DBX2: variants seen among roughly 807,000 people sequenced by gnomAD.
DBX2 encodes the protein developing brain homeobox 2, also known as homeobox protein DBX2.
DBX2 carries 16 observed loss-of-function variants against 17.7 expected under a neutral mutation model. The ratio of observed to expected loss-of-function variants is 0.90; its 90% confidence interval spans 0.61 to 1.37. DBX2 has a LOEUF of 1.37. DBX2 is among the 40% of genes most tolerant of loss of function. The pLI is 0.00. For missense variants in DBX2, 538 were observed against 433.8 expected, an observed-to-expected ratio of 1.24 and a Z score of -2.13; for synonymous variants, 255 against 183.8, an observed-to-expected ratio of 1.39 and a Z score of -3.13.
At chr12:45,049,411 A>G (rs1946517171) in intron 1 of DBX2, among the ~76,000 whole-genome samples, 1 of 152,190 alleles carries the variant, frequency 6.6e-6, no homozygotes. Flanking sequence ...GTTCCCTAGC[A>G]TTTAGGTTTT....
At chr12:45,027,165 G>A (rs1485540060) in intron 2 of DBX2, among the ~76,000 whole-genome samples, 5 of 152,182 alleles carry the variant, frequency 3.3e-5, no homozygotes, top group Non-Finnish European at 7.3e-5. Flanking sequence ...TTATAAGGCT[G>A]CTCCCAAGAT....
intron 2 of DBX2, among the ~76,000 whole-genome samples, chr12:45,026,197 C>A (rs1946380693): frequency 6.6e-6 from 1 of 152,142 alleles, no homozygotes; most frequent in Non-Finnish European, 1.5e-5. Flanking sequence ...TCTGCCACAG[C>A]CTTGCTTAGC....
chr12:45,034,755 T>C (rs993455732), intron 2 of DBX2, among the ~76,000 whole-genome samples: 1 of 152,226 alleles, frequency 6.6e-6, no homozygotes, highest in African/African-American at 2.4e-5. Flanking sequence ...TTCAGTCAAG[T>C]GCTTTAAATG....
rs978617604 is a variant in DBX2 at position 45,034,132 on chromosome 12, A to C, written c.499+1887T>G. ...AGTACACACACACACCCACACCCAC[A>C]CACACACACACGCACATGAATGTCT... On this transcript the variant is annotated intron_variant, in intron 2 of 3. Coordinates refer to ENST00000332700, the MANE Select transcript of DBX2 (RefSeq NM_001004329.3). Among the ~76,000 whole-genome samples the C allele has an allele frequency of 3.3e-5, 5 of 151,498 alleles. No individual in the cohort carries two copies. In the South Asian group the frequency reaches 1.0e-3, roughly 32 times the overall value.
intron 1 of DBX2, among the ~76,000 whole-genome samples, chr12:45,043,951 T>C (rs74080476): frequency 6.6e-6 from 1 of 152,302 alleles, no homozygotes; most frequent in East Asian, 1.9e-4. Flanking sequence ...TTATATGAAT[T>C]CCTTATGGTT....
chr12:45,029,386 AC>A (rs1286709959), intron 2 of DBX2, among the ~76,000 whole-genome samples: 2 of 152,220 alleles, frequency 1.3e-5, no homozygotes, highest in African/African-American at 2.4e-5. Context: ...AGAAGAAATT[AC>A]CACCCTCGTT....
chr12:45,025,583 A>T (rs1946376990), intron 2 of DBX2, among the ~76,000 whole-genome samples: 1 of 151,262 alleles, frequency 6.6e-6, no homozygotes, highest in Non-Finnish European at 1.5e-5. Flanking sequence ...CATAGTTCCC[A>T]CCCTAAAGGA....
At chr12:45,026,666 A>G (rs1946383090) in intron 2 of DBX2, among the ~76,000 whole-genome samples, 1 of 152,212 alleles carries the variant, frequency 6.6e-6, no homozygotes, top group Admixed American at 6.5e-5. Context: ...CTATTTGTCT[A>G]AAAGATTACA....
In DBX2 at chr12:45,016,101, AC is replaced by A. The variant is rs1325426499; in HGVS notation, c.*184del. 7 of 526,406 alleles carry A rather than the reference AC, an allele frequency of 1.3e-5. No individual in the cohort carries two copies. Among genetic ancestry groups the A allele is most frequent in the African/African-American group, 1.9e-5 (1 of 51,574 alleles). 32.6% of individuals were successfully genotyped at this position (526,406 alleles called of 1,614,324 possible). On this transcript the variant is annotated 3_prime_UTR_variant, in exon 4 of 4. Coordinates refer to ENST00000332700, the MANE Select transcript of DBX2 (RefSeq NM_001004329.3). ...CTTGCTGGGAGATTCTATTCCACTT[AC>A]AAATTAAGCCTGAGTCTAGGGCCAA...
At position 45,050,563 on chromosome 12, in the gene DBX2, G is replaced by A. The variant is rs1946525428; in HGVS notation, c.365C>T (p.Pro122Leu). The A allele has an allele frequency of 1.4e-5, 21 of 1,552,842 alleles. No individual in the cohort carries two copies. Among genetic ancestry groups the A allele is most frequent in the Non-Finnish European group, 1.7e-5 (19 of 1,149,014 alleles). The change falls in exon 1 of 4, where the codon CCG (proline) becomes CTG (leucine). Residue 122 changes from proline (P) to leucine (L), a missense_variant. Transcript: ENST00000332700. ...CTGGAAGGTACAGTCTCGGTCCCCC[G>A]GAGCCCGGCCCGGCAGCCTCGCACT... is the stretch of plus-strand genomic sequence containing the variant. The part of the protein sequence containing the change: ...ADSARLPGRA[P>L]GDRDCTFQPS...
chr12:45,027,921 A>T (rs1946389951), intron 2 of DBX2, among the ~76,000 whole-genome samples: 1 of 152,248 alleles, frequency 6.6e-6, no homozygotes, highest in Non-Finnish European at 1.5e-5. Context: ...AATAATACAG[A>T]CAGCCACAAT....
intron 3 of DBX2, among the ~76,000 whole-genome samples, chr12:45,018,087 T>C (rs1042666583): frequency 6.6e-6 from 1 of 152,168 alleles, no homozygotes; most frequent in Non-Finnish European, 1.5e-5. Context: ...TACAACACCA[T>C]GATTAAGGCT....
chr12:45,028,956 T>G (rs1946395333), intron 2 of DBX2, among the ~76,000 whole-genome samples: 1 of 152,176 alleles, frequency 6.6e-6, no homozygotes, highest in African/African-American at 2.4e-5. Context: ...AAACCACCAT[T>G]GATGCTCCTT....
Position 45,016,426 on chromosome 12 carries a change from TCTCC to T in DBX2, c.876_879del (p.Glu293IlefsTer9). On this transcript the variant is annotated frameshift_variant, in exon 4 of 4. Transcript: ENST00000332700. LOFTEE classifies it low-confidence loss of function (END_TRUNC). ...AGTCTTTCTGAAGGTTCTGGAGAAT[TCTCC>T]CTCCATCTTGGACTTGAGTGCTGTT... The T allele has an allele frequency of 1.2e-6, 2 of 1,614,034 alleles. No individual in the cohort carries two copies. Among genetic ancestry groups the T allele is most frequent in the Non-Finnish European group, 1.7e-6 (2 of 1,179,972 alleles).
chr12:45,047,177 C>T (rs1240489526), intron 1 of DBX2, among the ~76,000 whole-genome samples: 1 of 152,026 alleles, frequency 6.6e-6, no homozygotes, highest in African/African-American at 2.4e-5. Flanking sequence ...TTTTGAGGCC[C>T]TCTTTTATAT....
chr12:45,044,967 A>T (rs769611691), intron 1 of DBX2, among the ~76,000 whole-genome samples: 13 of 152,148 alleles, frequency 8.5e-5, no homozygotes, highest in Non-Finnish European at 1.8e-4. Context: ...AGTAAAATAA[A>T]ACATTTTGGA....
chr12:45,026,061 G>A (rs1393480409), intron 2 of DBX2, among the ~76,000 whole-genome samples: 6 of 152,076 alleles, frequency 3.9e-5, no homozygotes, highest in Non-Finnish European at 8.8e-5. Context: ...TGATTTAGTT[G>A]TCCACATTTA....
At chr12:45,040,707 T>A (rs528845162) in intron 1 of DBX2, among the ~76,000 whole-genome samples, 17 of 152,340 alleles carry the variant, frequency 1.1e-4, no homozygotes, top group African/African-American at 3.8e-4. Context: ...GATGTTTCTG[T>A]GATACAAGTA....
At chr12:45,043,459 T>C (rs535981182) in intron 1 of DBX2, among the ~76,000 whole-genome samples, 3 of 152,296 alleles carry the variant, frequency 2.0e-5, no homozygotes, top group Admixed American at 2.0e-4. Context: ...GCTCTTGGTG[T>C]TCTCCCTTTC....
Sources: allele counts gnomAD v4.1 joint callset (sites outside exome capture counted in the v4.1 genomes callset), GRCh38; gene constraint gnomAD v4.1.1; transcripts MANE v1.5; gene names NCBI Gene and HGNC (gene_info 2026-07-23, HGNC 2026-07-21).